The following PEX13 variants were observed in gnomAD, a reference collection of about 807,000 sequenced individuals.
PEX13 encodes peroxisomal biogenesis factor 13, also known as peroxisome biogenesis factor 13.
In PEX13, 28 loss-of-function variants were observed where a neutral mutation model predicts 34.5. The ratio of observed to expected loss-of-function variants is 0.81; its 90% confidence interval spans 0.60 to 1.11. The LOEUF is 1.11. Among genes scored for constraint, PEX13 ranks in the 50% most tolerant of loss-of-function variants. The probability of loss-of-function intolerance (pLI) is 0.00; values close to 1 mark genes in which losing one functional copy is unlikely to be tolerated. For synonymous variants in PEX13, 177 were observed against 175.1 expected (o/e 1.01, Z -0.09); for missense variants, 550 against 491.0 (o/e 1.12, Z -1.13).
At chr2:61,023,239 A>G (rs1009520595) in intron 1 of PEX13, among the ~76,000 whole-genome samples, 1 of 152,122 alleles carries the variant, frequency 6.6e-6, no homozygotes, top group Non-Finnish European at 1.5e-5. Flanking sequence ...TCCTGGGCTC[A>G]AGCAATCCTC....
At chr2:61,043,642 C>T (rs1279279557) in intron 2 of PEX13, among the ~76,000 whole-genome samples, 1 of 152,144 alleles carries the variant, frequency 6.6e-6, no homozygotes, top group Non-Finnish European at 1.5e-5. Context: ...ATTGTATTAT[C>T]AGCAGCCACA....
intron 2 of PEX13, among the ~76,000 whole-genome samples, chr2:61,037,378 C>T (rs981089538): frequency 6.6e-6 from 1 of 152,182 alleles, no homozygotes. Context: ...AAGTAAAACA[C>T]TCCTCAGCAA....
intron 1 of PEX13, among the ~76,000 whole-genome samples, chr2:61,025,196 G>T (rs958387235): frequency 2.6e-5 from 4 of 151,614 alleles, no homozygotes; most frequent in African/African-American, 7.3e-5. Context: ...AGCCTCCCCC[G>T]TAGCTGGGAT....
intron 2 of PEX13, among the ~76,000 whole-genome samples, chr2:61,043,005 A>T (rs1573559332): frequency 6.6e-6 from 1 of 152,292 alleles, no homozygotes; most frequent in Non-Finnish European, 1.5e-5. Context: ...TGAGTTTGTT[A>T]TACAAGCTAG....
At chr2:61,044,591 G>A (rs1463054231) in intron 2 of PEX13, among the ~76,000 whole-genome samples, 1 of 152,052 alleles carries the variant, frequency 6.6e-6, no homozygotes, top group African/African-American at 2.4e-5. Context: ...TCTCCATGTT[G>A]GTCAGGCTGG....
chr2:61,040,014 G>T (rs1048124708), intron 2 of PEX13, among the ~76,000 whole-genome samples: 1 of 152,172 alleles, frequency 6.6e-6, no homozygotes, highest in South Asian at 2.1e-4. Context: ...GGTCATCAGA[G>T]AAATGCAAAT....
chr2:61,044,254 A>T (rs1236351734), intron 2 of PEX13, among the ~76,000 whole-genome samples: 2 of 151,544 alleles, frequency 1.3e-5, no homozygotes, highest in African/African-American at 4.9e-5. Context: ...TCCAGCCCAG[A>T]CTTAGTTATA....
chr2:61,048,508 G>C lies in PEX13; in HGVS notation c.950G>C (p.Ser317Thr), dbSNP rs1680744762. 6.2e-7 allele frequency: 1 copy of C among 1,613,912 alleles called. No homozygotes were observed. The change falls in exon 4 of 4, where the codon AGC (serine) becomes ACC (threonine). Residue 317 changes from serine to threonine, a missense_variant. By Grantham distance (58) the Ser-to-Thr change is moderately conservative (BLOSUM62 1). Transcript: ENST00000295030. Reference protein sequence around the residue: ...QPKVRGWLLASLDGQTTGLIP... With the variant: ...QPKVRGWLLATLDGQTTGLIP... Reference sequence around the variant, plus strand: ...AAAGTGCGTGGTTGGCTTCTGGCTAGCCTTGATGGCCAAACAACAGGACTT... The same window carrying C: ...AAAGTGCGTGGTTGGCTTCTGGCTACCCTTGATGGCCAAACAACAGGACTT...
chr2:61,026,878 G>A (rs555304581), intron 1 of PEX13, among the ~76,000 whole-genome samples: 1 of 151,866 alleles, frequency 6.6e-6, no homozygotes, highest in Non-Finnish European at 1.5e-5. Flanking sequence ...CATGTGTGTG[G>A]CATTTTTGAG....
At chr2:61,022,724 A>T (rs1424246702) in intron 1 of PEX13, among the ~76,000 whole-genome samples, 2 of 152,090 alleles carry the variant, frequency 1.3e-5, no homozygotes, top group African/African-American at 4.8e-5. Context: ...AAAATTGGCC[A>T]GGTGTAGTGG....
At chr2:61,029,460 A>G (rs1329152793) in intron 1 of PEX13, among the ~76,000 whole-genome samples, 1 of 152,214 alleles carries the variant, frequency 6.6e-6, no homozygotes, top group Non-Finnish European at 1.5e-5. Context: ...TAGAGTTTCC[A>G]TATAACCCAG....
Position 61,031,886 on chromosome 2 carries a change from C to T in PEX13, c.560C>T (p.Thr187Ile). Residue 187 changes from threonine (T) to isoleucine (I), a missense_variant, in exon 2 of 4, where the codon ACT becomes ATT. Transcript: ENST00000295030. Reference protein sequence around the residue: ...KVFSAFALVRTIRYLYRRLQR... With the variant: ...KVFSAFALVRIIRYLYRRLQR... ...TTTTCAGCTTTTGCATTGGTTAGGA[C>T]TATACGGTATCTTTACAGACGGCTA... The T allele has an allele frequency of 6.2e-7, 1 of 1,613,278 alleles. No individual in the cohort carries two copies. Among genetic ancestry groups the T allele is most frequent in the Non-Finnish European group, 8.5e-7 (1 of 1,179,196 alleles).
At position 61,048,568 on chromosome 2, in the gene PEX13, G is replaced by A; in HGVS notation, c.1010G>A (p.Arg337Lys). The change falls in exon 4 of 4, where the codon AGA becomes AAA. Residue 337 changes from arginine (R) to lysine (K), a missense_variant. Physicochemically the swap from Arg to Lys is conservative, Grantham distance 26 (BLOSUM62 2). Transcript: ENST00000295030. ...AATTATGTCAAAATTCTTGGCAAAAGAAAAGGTAGGAAAACGGTGGAATCA... is the reference window on the plus strand; with the variant it reads ...AATTATGTCAAAATTCTTGGCAAAAAAAAAGGTAGGAAAACGGTGGAATCA... ...PANYVKILGK[R>K]KGRKTVESSK... is the part of the protein sequence containing the mutation. The A allele has an allele frequency of 6.2e-7, 1 of 1,614,104 alleles. No individual in the cohort carries two copies. Among genetic ancestry groups the A allele is most frequent in the South Asian group, 1.1e-5 (1 of 91,076 alleles).
chr2:61,020,244 A>C (rs143437605), intron 1 of PEX13, among the ~76,000 whole-genome samples: 308 of 152,200 alleles, frequency 2.0e-3, no homozygotes, highest in African/African-American at 7.2e-3. Flanking sequence ...ACAACAACAA[A>C]AAACTTATAA....
rs1241117454 is a variant in PEX13 at position 61,017,737 on chromosome 2, G to A, written c.-23G>A. On this transcript the variant is annotated 5_prime_UTR_variant, in exon 1 of 4. Transcript: ENST00000295030. ...GCCTGGACAGTCAGGGGTAGGAGCG[G>A]GAGCCGAGAGGAGGCGGAGGAGATG... 1.3e-6 allele frequency: 2 copies of A among 1,544,072 alleles called. No homozygotes were observed. Among genetic ancestry groups the A allele is most frequent in the East Asian group, 2.4e-5 (1 of 41,026 alleles).
At chr2:61,032,421 CAT>C (rs1240697248) in intron 2 of PEX13, among the ~76,000 whole-genome samples, 4 of 152,124 alleles carry the variant, frequency 2.6e-5, no homozygotes, top group African/African-American at 9.7e-5. Flanking sequence ...GTTTAAGACA[CAT>C]ATACAGGTAA....
At chr2:61,018,111 A>T in intron 1 of PEX13, 1 of 1,546,430 alleles carries the variant, frequency 6.5e-7, no homozygotes, top group Non-Finnish European at 8.7e-7. Flanking sequence ...TCTGTGCTTG[A>T]AAGAAAGGGG....
In PEX13 at chr2:61,031,645, C is replaced by T. The variant is rs776824458; in HGVS notation, c.319C>T (p.Arg107Cys). 1.2e-5 allele frequency: 19 copies of T among 1,613,994 alleles called. No homozygotes were observed. Among genetic ancestry groups the T allele is most frequent in the East Asian group, 4.5e-5 (2 of 44,894 alleles). ...SYGYNGLGYN[R>C]LRVDDLPPSR... ...TGGATATAATGGGCTGGGCTACAACCGCCTCCGTGTAGATGATCTTCCACC... is the reference window on the plus strand; with the variant it reads ...TGGATATAATGGGCTGGGCTACAACTGCCTCCGTGTAGATGATCTTCCACC... Residue 107 changes from arginine (R) to cysteine (C), a missense_variant, in exon 2 of 4, where the codon CGC (arginine) becomes TGC (cysteine). Transcript: ENST00000295030.
At chr2:61,021,736 C>T (rs954575067) in intron 1 of PEX13, among the ~76,000 whole-genome samples, 4 of 152,206 alleles carry the variant, frequency 2.6e-5, no homozygotes, top group African/African-American at 7.2e-5. Flanking sequence ...CCCTGACCCC[C>T]GTGTAGCCTG....
Sources: gnomAD v4.1 joint callset for allele counts (sites outside exome capture counted in the v4.1 genomes callset) on GRCh38, gnomAD v4.1.1 for gene constraint, MANE v1.5 for transcripts, NCBI Gene and HGNC (gene_info 2026-07-23, HGNC 2026-07-21) for gene names.